WWOX: variants seen among roughly 807,000 people sequenced by gnomAD.
WWOX encodes WW domain containing oxidoreductase.
WWOX carries 69 observed loss-of-function variants against 46.2 expected under a neutral mutation model. That is an observed-to-expected ratio of 1.49 (90% confidence interval 1.23 to 1.82). The LOEUF (loss-of-function observed/expected upper bound fraction) is 1.82. Ranked by LOEUF, WWOX falls within the 40% of genes most tolerant of loss-of-function variation. The probability of loss-of-function intolerance (pLI) is 0.00; values close to 1 mark genes in which losing one functional copy is unlikely to be tolerated. For synonymous variants in WWOX, 359 were observed against 202.6 expected (o/e 1.77, Z -6.56); for missense variants, 919 against 542.6 (o/e 1.69, Z -6.89).
intron 5 of WWOX, among the ~76,000 whole-genome samples, chr16:78,298,753 T>C (rs1240354585): frequency 6.7e-6 from 1 of 150,060 alleles, no homozygotes; most frequent in Non-Finnish European, 1.5e-5. Context: ...ATCGCACCAT[T>C]GCACTCCAGC....
chr16:78,737,253 C>G (rs1012410722), intron 8 of WWOX, among the ~76,000 whole-genome samples: 4 of 151,654 alleles, frequency 2.6e-5, no homozygotes, highest in Admixed American at 2.0e-4. Flanking sequence ...GCGCCCGCCA[C>G]CATACTTCGC....
At position 78,427,966 on chromosome 16, in the gene WWOX, G is replaced by C. The variant is rs527974754; in HGVS notation, c.791+2911G>C. 2.0e-5 allele frequency among the ~76,000 whole-genome samples: 3 copies of C among 152,258 alleles called. No homozygotes were observed. In the East Asian group the frequency reaches 5.8e-4, roughly 29 times the overall value. ...GCCTGTAATCCCAGCTATTTGGGAG[G>C]CTGAGGCAGGAGAATTGCTTGAACT... On this transcript the variant is annotated intron_variant, in intron 7 of 8. Transcript: ENST00000566780.
chr16:78,662,886 C>G (rs1358381241), intron 8 of WWOX, among the ~76,000 whole-genome samples: 1 of 152,154 alleles, frequency 6.6e-6, no homozygotes, highest in Non-Finnish European at 1.5e-5. Flanking sequence ...AACGTGGCAG[C>G]TGACTTTTGT....
chr16:78,492,741 G>T (rs2084814486), intron 8 of WWOX, among the ~76,000 whole-genome samples: 1 of 152,150 alleles, frequency 6.6e-6, no homozygotes, highest in Non-Finnish European at 1.5e-5. Context: ...GGGAGTAATT[G>T]GTTCTGAGAG....
At chr16:78,487,712 A>T (rs1385379113) in intron 8 of WWOX, among the ~76,000 whole-genome samples, 1 of 152,118 alleles carries the variant, frequency 6.6e-6, no homozygotes, top group African/African-American at 2.4e-5. Context: ...ATGTCTCCAG[A>T]TGTTGGCAAA....
chr16:78,376,602 C>G (rs2081833066), intron 5 of WWOX, among the ~76,000 whole-genome samples: 1 of 152,176 alleles, frequency 6.6e-6, no homozygotes, highest in Non-Finnish European at 1.5e-5. Context: ...ATCCTCGGGA[C>G]TATTGAGGCC....
intron 8 of WWOX, among the ~76,000 whole-genome samples, chr16:78,505,543 G>T (rs2085175486): frequency 6.6e-6 from 1 of 152,150 alleles, no homozygotes; most frequent in African/African-American, 2.4e-5. Flanking sequence ...AGACTCTGCT[G>T]GGCTCTAGAG....
At chr16:78,652,482 T>C (rs906944507) in intron 8 of WWOX, among the ~76,000 whole-genome samples, 1 of 150,612 alleles carries the variant, frequency 6.6e-6, no homozygotes, top group Non-Finnish European at 1.5e-5. Flanking sequence ...CCAAATACAA[T>C]TGAGGACTCT....
intron 8 of WWOX, among the ~76,000 whole-genome samples, chr16:78,493,454 GTAAC>G (rs1211885113): frequency 5.3e-5 from 8 of 152,180 alleles, no homozygotes; most frequent in African/African-American, 1.7e-4. Context: ...ACCTGTGTGA[GTAAC>G]TAACGTGTTT....
At chr16:78,761,252 C>G (rs960659406) in intron 8 of WWOX, among the ~76,000 whole-genome samples, 3 of 152,124 alleles carry the variant, frequency 2.0e-5, no homozygotes, top group Non-Finnish European at 2.9e-5. Flanking sequence ...AGACCATAAG[C>G]AAAAGAGTTC....
intron 8 of WWOX, among the ~76,000 whole-genome samples, chr16:78,626,503 C>T (rs777035412): frequency 3.5e-4 from 53 of 152,234 alleles, no homozygotes; most frequent in Non-Finnish European, 7.1e-4. Context: ...GGGAGGAAGA[C>T]CCCAGAGGTC....
intron 1 of WWOX, among the ~76,000 whole-genome samples, chr16:78,105,788 G>A (rs535934832): frequency 6.6e-6 from 1 of 152,196 alleles, no homozygotes; most frequent in South Asian, 2.1e-4. Context: ...ACTGTTAAGG[G>A]TCATTTTGTG....
intron 8 of WWOX, among the ~76,000 whole-genome samples, chr16:78,472,073 T>C (rs768561763): frequency 1.3e-5 from 2 of 152,214 alleles, no homozygotes; most frequent in Admixed American, 6.5e-5. Context: ...ACATTTTTTC[T>C]TAGGCGCCTA....
At chr16:78,705,756 G>C (rs746037164) in intron 8 of WWOX, among the ~76,000 whole-genome samples, 2 of 152,164 alleles carry the variant, frequency 1.3e-5, no homozygotes, top group Non-Finnish European at 2.9e-5. Flanking sequence ...TGTACCATCA[G>C]AGCACATACT....
chr16:78,222,164 T>C (rs1365204275), intron 5 of WWOX, among the ~76,000 whole-genome samples: 1 of 152,070 alleles, frequency 6.6e-6, no homozygotes, highest in African/African-American at 2.4e-5. Flanking sequence ...TGCTTGATTG[T>C]GAAGATGGCC....
chr16:78,817,343 G>T (rs60700844), intron 8 of WWOX, among the ~76,000 whole-genome samples: 7 of 152,034 alleles, frequency 4.6e-5, no homozygotes, highest in African/African-American at 1.7e-4. Flanking sequence ...AATTTTAGAA[G>T]AAACCAGAAG....
chr16:78,819,591 C>G (rs1254436735), intron 8 of WWOX, among the ~76,000 whole-genome samples: 1 of 151,666 alleles, frequency 6.6e-6, no homozygotes. Context: ...GTGGGGTAGC[C>G]CTGTTTTGCA....
chr16:79,047,188 C>G (rs184717170), intron 8 of WWOX, among the ~76,000 whole-genome samples: 1 of 152,234 alleles, frequency 6.6e-6, no homozygotes, highest in East Asian at 1.9e-4. Flanking sequence ...TAAGCACATG[C>G]AAGGCATTGA....
intron 8 of WWOX, among the ~76,000 whole-genome samples, chr16:78,667,540 A>G (rs774528413): frequency 1.3e-5 from 2 of 151,870 alleles, no homozygotes; most frequent in Admixed American, 1.3e-4. Flanking sequence ...GCGTGGTGGC[A>G]GGCACCTGTA....
Sources: gnomAD v4.1 joint callset for allele counts (sites outside exome capture counted in the v4.1 genomes callset) on GRCh38, gnomAD v4.1.1 for gene constraint, MANE v1.5 for transcripts, NCBI Gene and HGNC (gene_info 2026-07-23, HGNC 2026-07-21) for gene names.